Variants in PMS1 observed in about 807,000 individuals in gnomAD.
PMS1 encodes PMS1 homolog 1, mismatch repair system component, also known as PMS1 protein homolog 1.
A neutral mutation model predicts 93.1 loss-of-function variants in PMS1; 79 were observed. The ratio of observed to expected loss-of-function variants is 0.85; its 90% CI spans 0.71 to 1.02. The LOEUF is 1.02. Among genes scored for constraint, PMS1 ranks in the 50% least tolerant of loss-of-function variants. The pLI is 0.00. For synonymous variants in PMS1, 335 were observed against 363.4 expected, an observed-to-expected ratio of 0.92 and a Z score of 0.89; for missense variants, 1,064 against 1,085.3, an observed-to-expected ratio of 0.98 and a Z score of 0.28.
At chr2:189,788,226 G>A (rs1026980221) in intron 1 of PMS1, among the ~76,000 whole-genome samples, 3 of 152,156 alleles carry the variant, frequency 2.0e-5, no homozygotes, top group Non-Finnish European at 4.4e-5. Flanking sequence ...TAGCTGAGGT[G>A]GAAGACTTCT....
chr2:189,793,851 A>T (rs1680379183), intron 2 of PMS1, among the ~76,000 whole-genome samples: 1 of 152,198 alleles, frequency 6.6e-6, no homozygotes, highest in Admixed American at 6.5e-5. Flanking sequence ...TTTATGCTAT[A>T]ATAGCTATCC....
intron 11 of PMS1, among the ~76,000 whole-genome samples, chr2:189,872,325 G>C (rs915111839): frequency 6.6e-6 from 1 of 152,068 alleles, no homozygotes; most frequent in East Asian, 1.9e-4. Flanking sequence ...AACAGGTAAG[G>C]GATTGGATTA....
intron 12 of PMS1, among the ~76,000 whole-genome samples, chr2:189,875,032 A>G (rs1295224537): frequency 2.7e-5 from 4 of 150,916 alleles, no homozygotes; most frequent in African/African-American, 7.3e-5. Flanking sequence ...ATGGGCTAGG[A>G]AAAAAAAAGA....
At chr2:189,846,605 A>T (rs2054275733) in intron 6 of PMS1, among the ~76,000 whole-genome samples, 1 of 151,802 alleles carries the variant, frequency 6.6e-6, no homozygotes, top group South Asian at 2.1e-4. Flanking sequence ...CTTGAGCCCA[A>T]AAGTTAAAGG....
chr2:189,865,160 T>C (rs1245914425), intron 10 of PMS1, among the ~76,000 whole-genome samples: 2 of 151,768 alleles, frequency 1.3e-5, no homozygotes, highest in African/African-American at 4.9e-5. Flanking sequence ...TTGGAATTTT[T>C]CCTCATTATC....
At position 189,873,622 on chromosome 2, in the gene PMS1, A is replaced by G; in HGVS notation, c.2600A>G (p.Glu867Gly). The G allele has an allele frequency of 6.2e-7, 1 of 1,606,980 alleles. No individual in the cohort carries two copies. Among genetic ancestry groups the G allele is most frequent in the South Asian group, 1.1e-5 (1 of 90,912 alleles). Reference sequence around the variant, plus strand: ...AACAGAAATGCAAAGGAAGTTTATGAATGTAGACCTCGCAAAGTGATAAGT... The same window carrying G: ...AACAGAAATGCAAAGGAAGTTTATGGATGTAGACCTCGCAAAGTGATAAGT... Reference protein sequence around the residue: ...ILNRNAKEVYECRPRKVISYL... With the variant: ...ILNRNAKEVYGCRPRKVISYL... Residue 867 changes from glutamate to glycine, a missense_variant, in exon 12 of 13, where the codon GAA becomes GGA. Physicochemically the swap from Glu to Gly is moderately conservative, Grantham distance 98. Transcript: ENST00000441310.
chr2:189,845,134 A>T (rs931493994), intron 6 of PMS1, among the ~76,000 whole-genome samples: 5 of 152,226 alleles, frequency 3.3e-5, no homozygotes, highest in Admixed American at 3.3e-4. Context: ...CTGGGATTAT[A>T]GGCGTGAGCC....
At chr2:189,833,967 C>A (rs1192032643) in intron 5 of PMS1, among the ~76,000 whole-genome samples, 1 of 152,148 alleles carries the variant, frequency 6.6e-6, no homozygotes, top group Non-Finnish European at 1.5e-5. Context: ...AGCATAGTTT[C>A]CAGTTCTGAC....
At chr2:189,840,789 T>A (rs140853726) in intron 5 of PMS1, among the ~76,000 whole-genome samples, 1 of 152,344 alleles carries the variant, frequency 6.6e-6, no homozygotes, top group East Asian at 1.9e-4. Flanking sequence ...AATAGTAGCT[T>A]TCAATCTTTT....
chr2:189,820,958 C>T (rs1291590539), intron 5 of PMS1, among the ~76,000 whole-genome samples: 1 of 151,966 alleles, frequency 6.6e-6, no homozygotes, highest in Admixed American at 6.6e-5. Context: ...TGCCACCGTG[C>T]TATGATTCCT....
rs1359958927 is a variant in PMS1, at chr2:189,792,896, C to T, written c.132+955C>T. On this transcript the variant is annotated intron_variant, in intron 2 of 12. Coordinates refer to ENST00000441310, the MANE Select transcript of PMS1 (RefSeq NM_000534.5). ...GCGCGATCTCAGCTTACTGCACTCT[C>T]CCTCCCCGGTTCATGCAATTCTCCT... Among the ~76,000 whole-genome samples the T allele has an allele frequency of 2.6e-5, 4 of 151,804 alleles. No individual in the cohort carries two copies. The South Asian group carries it at 8.3e-4, about 31-fold the overall frequency.
chr2:189,836,496 T>C (rs1158973607), intron 5 of PMS1, among the ~76,000 whole-genome samples: 3 of 152,106 alleles, frequency 2.0e-5, no homozygotes, highest in Non-Finnish European at 4.4e-5. Context: ...AAAATCTCTG[T>C]TTTTGAAAAT....
In PMS1 at chr2:189,843,985, A is replaced by G. The variant is rs1214795862; in HGVS notation, c.604A>G (p.Arg202Gly). 2 of 1,614,014 alleles carry G rather than the reference A, an allele frequency of 1.2e-6. No individual in the cohort carries two copies. Among genetic ancestry groups the G allele is most frequent in the Admixed American group, 3.3e-5 (2 of 60,024 alleles). The change falls in exon 6 of 13, where the codon AGA becomes GGA. Residue 202 changes from arginine to glycine, a missense_variant. Physicochemically the swap from Arg to Gly is moderately radical, Grantham distance 125. Coordinates refer to ENST00000441310, the MANE Select transcript of PMS1 (RefSeq NM_000534.5). ...HNKAVIWQKS[R>G]VSDHKMALMS... ...CTAGGCAGTTATTTGGCAGAAAAGC[A>G]GAGTATCAGATCACAAGATGGCTCT...
At chr2:189,814,036 C>T (rs2051060544) in intron 4 of PMS1, among the ~76,000 whole-genome samples, 1 of 152,092 alleles carries the variant, frequency 6.6e-6, no homozygotes, top group South Asian at 2.1e-4. Flanking sequence ...TTCCATTTAG[C>T]AGTAGAGGCA....
intron 3 of PMS1, among the ~76,000 whole-genome samples, chr2:189,804,679 T>C (rs892072289): frequency 1.3e-5 from 2 of 152,166 alleles, no homozygotes; most frequent in African/African-American, 4.8e-5. Context: ...AACCTTCAAA[T>C]ATAGACCCAC....
rs2106462816 is a variant in PMS1 at position 189,854,728 on chromosome 2, G to C, written c.1456G>C (p.Gly486Arg). The change falls in exon 9 of 13, where the codon GGT becomes CGT. Residue 486 changes from glycine (G) to arginine (R), a missense_variant. Coordinates refer to ENST00000441310, the MANE Select transcript of PMS1 (RefSeq NM_000534.5). The part of the protein sequence containing the change: ...DESGENEEEA[G>R]LENSSEISAD... ...GAGTGGGGAAAATGAGGAAGAAGCA[G>C]GTCTTGAAAACTCTTCGGAAATTTC... 6.2e-7 allele frequency: 1 copy of C among 1,613,896 alleles called. No individual in the cohort carries two copies. Among genetic ancestry groups the C allele is most frequent in the Admixed American group, 1.7e-5 (1 of 60,006 alleles).
intron 7 of PMS1, 122 bp downstream of exon 7, chr2:189,852,899 T>TA (rs1440816646): frequency 5.8e-6 from 4 of 693,608 alleles, no homozygotes; most frequent in Admixed American, 4.9e-5. Flanking sequence ...TTATTAAACA[T>TA]TATGCATGAT....
At chr2:189,862,109 A>G (rs772779563) in intron 9 of PMS1, among the ~76,000 whole-genome samples, 3 of 152,076 alleles carry the variant, frequency 2.0e-5, no homozygotes, top group African/African-American at 7.2e-5. Context: ...TGGGACTCCA[A>G]TGACATATAT....
intron 5 of PMS1, among the ~76,000 whole-genome samples, chr2:189,838,822 G>A (rs931298367): frequency 1.3e-5 from 2 of 152,238 alleles, no homozygotes; most frequent in Middle Eastern, 3.4e-3. Context: ...GCATTCCACC[G>A]AACTTTTGCA....
Sources: gnomAD v4.1 joint callset for allele counts (sites outside exome capture counted in the v4.1 genomes callset) on GRCh38, gnomAD v4.1.1 for gene constraint, MANE v1.5 for transcripts, NCBI Gene and HGNC (gene_info 2026-07-23, HGNC 2026-07-21) for gene names.